TMEM135: variants seen among roughly 807,000 people sequenced by gnomAD.
TMEM135 encodes the protein transmembrane protein 135.
In TMEM135, 30 loss-of-function variants were observed where a neutral mutation model predicts 60.3. The ratio of observed to expected loss-of-function variants is 0.50; its 90% confidence interval spans 0.37 to 0.68. The LOEUF (loss-of-function observed/expected upper bound fraction) is 0.68. Among genes scored for constraint, TMEM135 ranks in the 30% least tolerant of loss-of-function variants. The pLI is 0.00. For missense variants in TMEM135, 468 were observed against 548.8 expected, an observed-to-expected ratio of 0.85 and a Z score of 1.47; for synonymous variants, 190 against 186.7, an observed-to-expected ratio of 1.02 and a Z score of -0.14.
At chr11:87,212,959 G>A (rs1318632242) in intron 5 of TMEM135, among the ~76,000 whole-genome samples, 1 of 151,824 alleles carries the variant, frequency 6.6e-6, no homozygotes, top group East Asian at 1.9e-4. Flanking sequence ...AGAAATGATT[G>A]GTTTTCTTAG....
At position 87,281,356 on chromosome 11, in the gene TMEM135, C is replaced by G. The variant is rs570878680; in HGVS notation, c.510-14426C>G. On this transcript the variant is annotated intron_variant, in intron 6 of 14. Transcript: ENST00000305494. ...TCTTGAGTTACTCATGTACTATGCA[C>G]TGTACTAGGCACTGGGGACACATGC... 4.9e-4 allele frequency among the ~76,000 whole-genome samples: 74 copies of G among 152,280 alleles called. 1 individual carries two copies. The South Asian group carries it at 0.015, about 31-fold the overall frequency.
At position 87,220,360 on chromosome 11, in the gene TMEM135, A is replaced by C. The variant is rs183812377; in HGVS notation, c.463-16278A>C. ...ATATTTAACACACTAAAAAGAGTAC[A>C]TTTAGAAATACTCTTCAGGATTTGT... On this transcript the variant is annotated intron_variant, in intron 5 of 14. Coordinates refer to ENST00000305494, the MANE Select transcript of TMEM135 (RefSeq NM_022918.4). Among the ~76,000 whole-genome samples, 246 of 152,336 alleles carry C rather than the reference A, an allele frequency of 1.6e-3. 1 individual carries two copies. Among genetic ancestry groups the C allele is most frequent in the African/African-American group, 5.6e-3 (232 of 41,576 alleles).
chr11:87,306,872 T>C (rs116881252), intron 9 of TMEM135, among the ~76,000 whole-genome samples: 4,413 of 152,062 alleles, frequency 0.029, 78 homozygotes, highest in Admixed American at 0.044. Flanking sequence ...CAGGCACCCA[T>C]CATCATGCCT....
intron 3 of TMEM135, among the ~76,000 whole-genome samples, chr11:87,073,348 A>C (rs1046908427): frequency 6.6e-6 from 1 of 152,124 alleles, no homozygotes; most frequent in Non-Finnish European, 1.5e-5. Context: ...AGCCACTCTT[A>C]ATACATTTTT....
intron 5 of TMEM135, among the ~76,000 whole-genome samples, chr11:87,163,033 T>G (rs117559405): frequency 0.16 from 24,804 of 151,082 alleles, 2,364 homozygotes; most frequent in African/African-American, 0.27. Flanking sequence ...TTTTTTTAAT[T>G]TTTTTATTTT....
At position 87,295,761 on chromosome 11, in the gene TMEM135, T is replaced by A. The variant is rs776250594; in HGVS notation, c.510-21T>A. ...ATCTCAAAATATGTTATTTTATGAT[T>A]GTAAATTCTTATTGTTTTAGGTGCA... On this transcript the variant is annotated intron_variant, in intron 6 of 14. Transcript: ENST00000305494. The A allele has an allele frequency of 1.9e-6, 3 of 1,587,322 alleles. No homozygotes were observed. In the South Asian group the frequency reaches 3.5e-5, roughly 18 times the overall value.
rs1035573124 is a variant in TMEM135 at position 87,327,582 on chromosome 11, G to T, written c.*6249G>T. 2 of 452,296 alleles carry T rather than the reference G, an allele frequency of 4.4e-6. No individual in the cohort carries two copies. The highest frequency in any genetic ancestry group is 2.0e-5 in the African/African-American group (1 of 49,834). 28.0% of individuals were successfully genotyped at this position (452,296 alleles called of 1,614,324 possible). On this transcript the variant is annotated 3_prime_UTR_variant, in exon 15 of 15. Transcript: ENST00000305494. ...AGACACAGAGAGAGATATGAGAGGGGATTAAGGGAGTTGGCTCATGTGATT... is the reference window on the plus strand; with the variant it reads ...AGACACAGAGAGAGATATGAGAGGGTATTAAGGGAGTTGGCTCATGTGATT...
At chr11:87,244,602 C>T (rs184145423) in intron 6 of TMEM135, among the ~76,000 whole-genome samples, 15,536 of 65,228 alleles carry the variant, frequency 0.24, 6,279 homozygotes, top group African/African-American at 0.35. Flanking sequence ...TCGAGGAATT[C>T]ATCCATTTCT....
Position 87,306,016 on chromosome 11 carries a change from G to T in TMEM135, c.768+11G>T. ...TCTTATTGCATTAAAGTAAGTATAT[G>T]AAAGTATGTACTTTATTAACAGTAG... On this transcript the variant is annotated intron_variant, in intron 9 of 14. Transcript: ENST00000305494. 1 of 1,534,374 alleles carries T rather than the reference G, an allele frequency of 6.5e-7. No individual in the cohort carries two copies.
chr11:87,175,132 A>T (rs911419710), intron 5 of TMEM135, among the ~76,000 whole-genome samples: 3 of 152,188 alleles, frequency 2.0e-5, no homozygotes, highest in South Asian at 4.1e-4. Context: ...GACTGGACTA[A>T]TTATAATAAT....
At chr11:87,068,095 A>C (rs1329667690) in intron 2 of TMEM135, among the ~76,000 whole-genome samples, 3 of 152,216 alleles carry the variant, frequency 2.0e-5, no homozygotes, top group African/African-American at 4.8e-5. Flanking sequence ...ATATTTACCA[A>C]GTTGTTGAAT....
At position 87,322,696 on chromosome 11, in the gene TMEM135, T is replaced by C. The variant is rs1216180179; in HGVS notation, c.*1363T>C. ...ATTATAACCCATACTTTAAAAATGCTTAATCCCTCATATTCAATTTCATCA... is the reference window on the plus strand; with the variant it reads ...ATTATAACCCATACTTTAAAAATGCCTAATCCCTCATATTCAATTTCATCA... On this transcript the variant is annotated 3_prime_UTR_variant, in exon 15 of 15. Transcript: ENST00000305494. 9 of 453,940 alleles carry C rather than the reference T, an allele frequency of 2.0e-5. No individual in the cohort carries two copies. The highest frequency in any genetic ancestry group is 1.2e-4 in the South Asian group (8 of 64,472). 28.1% of individuals were successfully genotyped at this position (453,940 alleles called of 1,614,324 possible).
chr11:87,247,655 G>A (rs960006242), intron 6 of TMEM135, among the ~76,000 whole-genome samples: 3 of 152,180 alleles, frequency 2.0e-5, no homozygotes, highest in Non-Finnish European at 4.4e-5. Context: ...AGGACCCTCC[G>A]AGCCAGGTGT....
At chr11:87,067,934 TA>T in intron 2 of TMEM135, 113 bp downstream of exon 2, 1 of 1,333,636 alleles carries the variant, frequency 7.5e-7, no homozygotes, top group East Asian at 2.4e-5. Context: ...CCCCTTTTTT[TA>T]ATCTGTGAAG....
chr11:87,324,270 G>T lies in TMEM135; in HGVS notation c.*2937G>T, dbSNP rs758441267. ...ATGTCCTTTACTCTCAGGGAGCTTCGTCCACTTGCCTGTGTCACAACCTCT... is the reference window on the plus strand; with the variant it reads ...ATGTCCTTTACTCTCAGGGAGCTTCTTCCACTTGCCTGTGTCACAACCTCT... On this transcript the variant is annotated 3_prime_UTR_variant, in exon 15 of 15. Transcript: ENST00000305494. The T allele has an allele frequency of 2.2e-6, 1 of 453,904 alleles. No homozygotes were observed. Among genetic ancestry groups the T allele is most frequent in the South Asian group, 1.6e-5 (1 of 64,462 alleles). 28.1% of individuals were successfully genotyped at this position (453,904 alleles called of 1,614,324 possible).
At chr11:87,165,513 T>C (rs1310867335) in intron 5 of TMEM135, among the ~76,000 whole-genome samples, 1 of 143,184 alleles carries the variant, frequency 7.0e-6, no homozygotes, top group African/African-American at 2.7e-5. Context: ...TTTTTTGTTG[T>C]GTCTCTGCCT....
intron 4 of TMEM135, chr11:87,096,644 C>T (rs1482001303): frequency 6.6e-6 from 1 of 152,152 alleles, no homozygotes; most frequent in Non-Finnish European, 1.5e-5. Flanking sequence ...AAAAAATTTT[C>T]TGTAGTACAG....
Position 87,326,621 on chromosome 11 carries a change from T to C in TMEM135, c.*5288T>C, listed in dbSNP as rs1942916109. 1 of 454,000 alleles carries C rather than the reference T, an allele frequency of 2.2e-6. No homozygotes were observed. The highest frequency in any genetic ancestry group is 4.4e-6 in the Non-Finnish European group (1 of 226,800). 28.1% of individuals were successfully genotyped at this position (454,000 alleles called of 1,614,324 possible). On this transcript the variant is annotated 3_prime_UTR_variant, in exon 15 of 15. Coordinates refer to ENST00000305494, the MANE Select transcript of TMEM135 (RefSeq NM_022918.4). Reference sequence around the variant, plus strand: ...TTATCTCTTTTCTCCTATTCTTTTCTTTACCTTTCCTGGCCCATGCTTTCC... The same window carrying C: ...TTATCTCTTTTCTCCTATTCTTTTCCTTACCTTTCCTGGCCCATGCTTTCC...
chr11:87,137,724 TGGG>T (rs150137542), intron 4 of TMEM135, among the ~76,000 whole-genome samples: 19,518 of 151,962 alleles, frequency 0.13, 1,325 homozygotes, highest in Non-Finnish European at 0.15. Context: ...GATAGCATGA[TGGG>T]GGAAAAAACC....
Sources: gnomAD v4.1 joint callset for allele counts (sites outside exome capture counted in the v4.1 genomes callset) on GRCh38, gnomAD v4.1.1 for gene constraint, MANE v1.5 for transcripts, NCBI Gene and HGNC (gene_info 2026-07-23, HGNC 2026-07-21) for gene names.